RNF220: variants seen among roughly 807,000 people sequenced by gnomAD.
RNF220 encodes E3 ubiquitin-protein ligase RNF220.
Under a neutral mutation model 67.1 loss-of-function variants are expected in RNF220, and 7 were observed. The observed-to-expected ratio is 0.10, with a 90% CI of 0.06 to 0.20. The LOEUF (loss-of-function observed/expected upper bound fraction) is 0.20. Ranked by LOEUF, RNF220 falls within the 10% of genes least tolerant of loss-of-function variation. RNF220 has a pLI of 1.00. For missense variants in RNF220, 565 were observed against 740.3 expected (o/e 0.76, Z 2.75); for synonymous variants, 270 against 283.2 (o/e 0.95, Z 0.47).
Position 44,621,195 on chromosome 1 carries a change from C to A in RNF220, c.759-1547C>A, listed in dbSNP as rs1490893133. Among the ~76,000 whole-genome samples the A allele has an allele frequency of 2.0e-5, 3 of 152,182 alleles. No individual in the cohort carries two copies. The highest frequency in any genetic ancestry group is 4.4e-5 in the Non-Finnish European group (3 of 68,024). ...CCTCACAAAGTGCTGGGATTATAGG[C>A]GTGAGCCACTGCACCGGACCATGCA... On this transcript the variant is annotated intron_variant, in intron 3 of 14. Transcript: ENST00000361799. This position sits in a 1 kb window ranked among gnomAD's most constrained non-coding sequence, Gnocchi z 4.8.
At chr1:44,470,066 C>T (rs949574924) in intron 2 of RNF220, among the ~76,000 whole-genome samples, 2 of 151,898 alleles carry the variant, frequency 1.3e-5, no homozygotes, top group African/African-American at 4.8e-5. Flanking sequence ...TGCAGGGAAA[C>T]AAGAGCAGAT....
intron 8 of RNF220, among the ~76,000 whole-genome samples, chr1:44,640,370 C>A (rs1365164787): frequency 6.6e-6 from 1 of 152,250 alleles, no homozygotes; most frequent in East Asian, 1.9e-4. Flanking sequence ...TGCCTTGTGA[C>A]TCCCTACCAT....
chr1:44,457,527 T>A (rs1266567058), intron 2 of RNF220, among the ~76,000 whole-genome samples: 4 of 150,258 alleles, frequency 2.7e-5, no homozygotes, highest in Non-Finnish European at 5.9e-5. Context: ...TACAATAAGA[T>A]GGTAAAGGTA....
chr1:44,444,959 G>T (rs1651931136), intron 2 of RNF220, among the ~76,000 whole-genome samples: 1 of 152,134 alleles, frequency 6.6e-6, no homozygotes, highest in Non-Finnish European at 1.5e-5. Flanking sequence ...TTCCCAAGAG[G>T]TTCTACCAAT....
chr1:44,549,394 G>A (rs1662437364), intron 2 of RNF220, among the ~76,000 whole-genome samples: 1 of 152,194 alleles, frequency 6.6e-6, no homozygotes, highest in Non-Finnish European at 1.5e-5. Flanking sequence ...TTATCACCAA[G>A]GGGAATTTTT....
In RNF220 at chr1:44,614,421, C is replaced by A. The variant is rs546224980; in HGVS notation, c.758+124C>A. 1.3e-5 allele frequency: 13 copies of A among 1,028,410 alleles called. No homozygotes were observed. In the East Asian group the frequency reaches 3.0e-4, roughly 24 times the overall value. The allele number at this position is 1,028,410 out of a possible 1,614,324, so 63.7% of individuals were successfully genotyped here. A position where few individuals can be genotyped will look rare whatever the true frequency, so the allele number is the denominator to read the frequency against. On this transcript the variant is annotated intron_variant, in intron 3 of 14. Transcript: ENST00000361799. ...TCGGGAAAAGACAGGACCCTGCCAC[C>A]CTTCTCCACAACTCTGTTTCAATCC...
intron 1 of RNF220, 125 bp downstream of exon 1, chr1:44,405,655 C>G (rs369433130): frequency 4.0e-6 from 1 of 249,430 alleles, no homozygotes; most frequent in Non-Finnish European, 7.6e-6. Flanking sequence ...TCGGGCGGTT[C>G]CCTCTGGACG....
At chr1:44,531,570 T>C (rs1334559541) in intron 2 of RNF220, among the ~76,000 whole-genome samples, 5 of 152,240 alleles carry the variant, frequency 3.3e-5, no homozygotes, top group Non-Finnish European at 7.3e-5. Context: ...GCTAGCACAA[T>C]GCCTGGCAGG....
At chr1:44,572,538 A>C (rs76758212) in intron 2 of RNF220, among the ~76,000 whole-genome samples, 1,563 of 152,344 alleles carry the variant, frequency 0.01, 34 homozygotes, top group African/African-American at 0.036. Context: ...TGGGTGCTGA[A>C]TAATGTTTTG....
intron 2 of RNF220, among the ~76,000 whole-genome samples, chr1:44,432,476 G>A (rs1199462580): frequency 6.6e-6 from 1 of 152,028 alleles, no homozygotes; most frequent in African/African-American, 2.4e-5. Flanking sequence ...TCACCATGTT[G>A]GTCAGCCTGT....
At chr1:44,465,082 AAAAG>A (rs1654147788) in intron 2 of RNF220, among the ~76,000 whole-genome samples, 1 of 152,346 alleles carries the variant, frequency 6.6e-6, no homozygotes, top group Admixed American at 6.5e-5. Flanking sequence ...AATTAATGTG[AAAAG>A]AAAGAATCAA....
chr1:44,537,254 A>C (rs1275396710), intron 2 of RNF220, among the ~76,000 whole-genome samples: 1 of 152,164 alleles, frequency 6.6e-6, no homozygotes, highest in African/African-American at 2.4e-5. Flanking sequence ...GATAGAGTTC[A>C]CTAGGTCTTT....
chr1:44,540,357 A>G (rs1661578356), intron 2 of RNF220, among the ~76,000 whole-genome samples: 1 of 151,814 alleles, frequency 6.6e-6, no homozygotes, highest in East Asian at 1.9e-4. Flanking sequence ...AGGAAGAGAG[A>G]AAAAAAAATC....
At chr1:44,599,786 C>G (rs1558080335) in intron 2 of RNF220, among the ~76,000 whole-genome samples, 1 of 152,172 alleles carries the variant, frequency 6.6e-6, no homozygotes, top group Non-Finnish European at 1.5e-5. Flanking sequence ...CACACTATTG[C>G]AAGATGGGAT....
rs756640794 is a variant in RNF220, at chr1:44,560,564, T to G, written c.626-53601T>G. Among the ~76,000 whole-genome samples the G allele has an allele frequency of 7.2e-4, 109 of 152,088 alleles. 1 individual carries two copies. The highest frequency in any genetic ancestry group is 5.2e-4 in the Admixed American group (8 of 15,266). On this transcript the variant is annotated intron_variant, in intron 2 of 14. Coordinates refer to ENST00000361799, the MANE Select transcript of RNF220 (RefSeq NM_018150.4). Reference sequence around the variant, plus strand: ...ATTGATTCAGCCAGTAGTTGGGGTTTGTTTGTTTTTGTTTTCTGAGACAGT... The same window carrying G: ...ATTGATTCAGCCAGTAGTTGGGGTTGGTTTGTTTTTGTTTTCTGAGACAGT...
At chr1:44,597,333 G>C (rs549786321) in intron 2 of RNF220, among the ~76,000 whole-genome samples, 23 of 152,266 alleles carry the variant, frequency 1.5e-4, no homozygotes, top group Admixed American at 1.1e-3. Context: ...ACCCAGGTTA[G>C]CATGGCTCCA....
intron 2 of RNF220, among the ~76,000 whole-genome samples, chr1:44,421,857 G>A (rs139122265): frequency 6.6e-6 from 1 of 152,170 alleles, no homozygotes; most frequent in African/African-American, 2.4e-5. Flanking sequence ...TGAGGACCTC[G>A]GATTTGAGTC....
intron 2 of RNF220, among the ~76,000 whole-genome samples, chr1:44,536,234 G>T (rs899556446): frequency 5.3e-5 from 8 of 152,170 alleles, no homozygotes; most frequent in Admixed American, 2.0e-4. Flanking sequence ...AGTCCCTTGA[G>T]AGCCCAGAGG....
At chr1:44,528,845 C>T (rs576220045) in intron 2 of RNF220, among the ~76,000 whole-genome samples, 1 of 148,518 alleles carries the variant, frequency 6.7e-6, no homozygotes, top group Non-Finnish European at 1.5e-5. Flanking sequence ...AACTCCTGAC[C>T]TCAGGCGATC....
Sources: allele counts gnomAD v4.1 joint callset (sites outside exome capture counted in the v4.1 genomes callset), GRCh38; gene constraint gnomAD v4.1.1; non-coding constraint Gnocchi (gnomAD v3.1); transcripts MANE v1.5; gene names NCBI Gene and HGNC (gene_info 2026-07-23, HGNC 2026-07-21).